Variants in RGS12 observed in about 807,000 individuals in gnomAD.
RGS12 encodes regulator of G protein signaling 12.
In RGS12, 66 loss-of-function variants were observed where a neutral mutation model predicts 120.1. The observed-to-expected ratio is 0.55, with a 90% CI of 0.45 to 0.67. RGS12 has a LOEUF of 0.67. Among genes scored for constraint, RGS12 ranks in the 30% least tolerant of loss-of-function variants. The pLI, the probability that RGS12 is intolerant of heterozygous loss-of-function variation, is 0.00. For synonymous variants in RGS12, 827 were observed against 804.7 expected (o/e 1.03, Z -0.47); for missense variants, 1,859 against 1,957.7 (o/e 0.95, Z 0.95).
In RGS12 at chr4:3,316,704, A is replaced by G; in HGVS notation, c.534A>G (p.Arg178=). The change falls in exon 2 of 18, where the codon CGA becomes CGG. Residue 178 remains arginine, a synonymous_variant. Transcript: ENST00000336727. ...QRSLSESAAT[R]FDVGHESINN... ...CCCTTTCAGAGTCGGCCGCAACTCG[A>G]TTTGATGTTGGACATGAAAGTATAA... The G allele has an allele frequency of 6.2e-7, 1 of 1,614,186 alleles. No individual in the cohort carries two copies. The highest frequency in any genetic ancestry group is 8.5e-7 in the Non-Finnish European group (1 of 1,180,032).
chr4:3,407,736 G>A (rs1418521494), intron 4 of RGS12, among the ~76,000 whole-genome samples: 1 of 152,198 alleles, frequency 6.6e-6, no homozygotes, highest in African/African-American at 2.4e-5. Flanking sequence ...TTGGAGTTAT[G>A]ACTTAAAGAG....
chr4:3,360,376 T>C (rs1259595719), intron 3 of RGS12, among the ~76,000 whole-genome samples: 6 of 152,106 alleles, frequency 3.9e-5, no homozygotes, highest in African/African-American at 9.7e-5. Flanking sequence ...TCTGCTCTAA[T>C]CTTTATTATT....
rs549978502 is a variant in RGS12, at chr4:3,406,203, C to T, written c.2021-7869C>T. ...CCGGCCAGAAAGGAGTGCAGAACTC[C>T]GGCCAGGGCGGGCTCAGAGCCTGCA... On this transcript the variant is annotated intron_variant, in intron 4 of 17. Transcript: ENST00000336727. Among the ~76,000 whole-genome samples the T allele has an allele frequency of 7.9e-5, 12 of 152,316 alleles. No homozygotes were observed. The South Asian group carries it at 2.1e-3, about 26-fold the overall frequency.
chr4:3,332,609 C>T (rs1018441949), intron 2 of RGS12, among the ~76,000 whole-genome samples: 5 of 152,158 alleles, frequency 3.3e-5, no homozygotes. Context: ...TAAGGCTCTG[C>T]GTTTCCTCTC....
rs559409746 is a variant in RGS12 at position 3,406,216 on chromosome 4, C to T, written c.2021-7856C>T. On this transcript the variant is annotated intron_variant, in intron 4 of 17. Coordinates refer to ENST00000336727, the MANE Select transcript of RGS12 (RefSeq NM_001394154.1). The stretch of plus-strand genomic sequence containing the variant: ...AGTGCAGAACTCCGGCCAGGGCGGG[C>T]TCAGAGCCTGCACCCACGCCTCCTG... Among the ~76,000 whole-genome samples the T allele has an allele frequency of 2.8e-4, 43 of 152,322 alleles. No homozygotes were observed. In the South Asian group the frequency reaches 8.7e-3, roughly 31 times the overall value.
intron 16 of RGS12, among the ~76,000 whole-genome samples, chr4:3,429,568 G>A (rs913603750): frequency 2.0e-5 from 3 of 152,196 alleles, no homozygotes; most frequent in African/African-American, 7.2e-5. Flanking sequence ...TAAAAACTCC[G>A]AGTATAATTC....
At chr4:3,333,738 C>T (rs79519715) in intron 2 of RGS12, among the ~76,000 whole-genome samples, 2,958 of 152,240 alleles carry the variant, frequency 0.019, 83 homozygotes, top group African/African-American at 0.057. Flanking sequence ...CTTTATAATA[C>T]GTCTTTCTGT....
At chr4:3,371,277 C>T (rs984950855) in intron 3 of RGS12, among the ~76,000 whole-genome samples, 2 of 152,160 alleles carry the variant, frequency 1.3e-5, no homozygotes, top group Non-Finnish European at 2.9e-5. Context: ...GCGTGCCTGC[C>T]GCGGGCCGCC....
chr4:3,331,345 T>A (rs1711814495), intron 2 of RGS12, among the ~76,000 whole-genome samples: 1 of 152,152 alleles, frequency 6.6e-6, no homozygotes, highest in Non-Finnish European at 1.5e-5. Flanking sequence ...CCAGGGAATT[T>A]TTATCTTGTG....
intron 1 of RGS12, among the ~76,000 whole-genome samples, chr4:3,300,913 C>G (rs530868331): frequency 8.3e-4 from 127 of 152,344 alleles, no homozygotes; most frequent in Non-Finnish European, 1.4e-3. Context: ...GGATTGGGCC[C>G]TGGTATCTTT....
intron 3 of RGS12, among the ~76,000 whole-genome samples, chr4:3,347,449 A>T (rs1410209223): frequency 6.6e-6 from 1 of 152,226 alleles, no homozygotes; most frequent in Non-Finnish European, 1.5e-5. Flanking sequence ...GTCTCAAAAA[A>T]AGAAAGAAAG....
chr4:3,287,881 T>C, the RGS12 span, among the ~76,000 whole-genome samples: 1,669 of 152,060 alleles, frequency 0.011, 27 homozygotes, highest in South Asian at 0.033. Context: ...GGGGCCTGGG[T>C]GGGGGCCCTC....
chr4:3,341,026 C>G (rs903188446), intron 2 of RGS12, among the ~76,000 whole-genome samples: 1 of 151,560 alleles, frequency 6.6e-6, no homozygotes, highest in Non-Finnish European at 1.5e-5. Context: ...AGCCTTAGAG[C>G]CTTCTCTCGG....
chr4:3,424,440 C>T (rs910474349), intron 13 of RGS12, among the ~76,000 whole-genome samples: 1 of 152,262 alleles, frequency 6.6e-6, no homozygotes, highest in African/African-American at 2.4e-5. Context: ...CAGGCTCCAT[C>T]CTGGAGTCCA....
chr4:3,353,508 C>T (rs188682386), intron 3 of RGS12, among the ~76,000 whole-genome samples: 63 of 152,290 alleles, frequency 4.1e-4, no homozygotes, highest in Admixed American at 5.9e-4. Context: ...GGGACTACCA[C>T]TTTCACCTTT....
At chr4:3,434,405 AG>A (rs1486369764) in intron 17 of RGS12, among the ~76,000 whole-genome samples, 1 of 152,160 alleles carries the variant, frequency 6.6e-6, no homozygotes, top group African/African-American at 2.4e-5. Context: ...TGTGTCAGGC[AG>A]ATATACCCAT....
At chr4:3,362,482 A>AGGGTGTG (rs1715692088) in intron 3 of RGS12, among the ~76,000 whole-genome samples, 3 of 44,224 alleles carry the variant, frequency 6.8e-5, no homozygotes, top group Non-Finnish European at 1.5e-4. Context: ...GGGTGTGTGT[A>AGGGTGTG]TGTGAGGGTG....
chr4:3,428,856 A>G, intron 16 of RGS12, 145 bp downstream of exon 16: 2 of 716,610 alleles, frequency 2.8e-6, no homozygotes, highest in Non-Finnish European at 2.3e-6. Context: ...TCCCGGGGGC[A>G]GTCTGTGGGC....
At position 3,374,277 on chromosome 4, in the gene RGS12, CA is replaced by C. The variant is rs1312478432; in HGVS notation, c.1999-12138del. ...GCCAGCTTGCCTTGGGCTTCTGCAG[CA>C]GCGCCCTCCGGGTTCCCCTCCTCTC... On this transcript the variant is annotated intron_variant, in intron 3 of 17. Coordinates refer to ENST00000336727, the MANE Select transcript of RGS12 (RefSeq NM_001394154.1). The surrounding 1 kb of genome is among the most constrained non-coding windows in gnomAD (Gnocchi z 6.3). 1.3e-5 allele frequency among the ~76,000 whole-genome samples: 2 copies of C among 152,278 alleles called. No individual in the cohort carries two copies. The highest frequency in any genetic ancestry group is 4.8e-5 in the African/African-American group (2 of 41,478).
Sources: gnomAD v4.1 joint callset for allele counts (sites outside exome capture counted in the v4.1 genomes callset) on GRCh38, gnomAD v4.1.1 for gene constraint, Gnocchi (gnomAD v3.1) non-coding constraint, MANE v1.5 for transcripts, NCBI Gene and HGNC (gene_info 2026-07-23, HGNC 2026-07-21) for gene names.